The following INPP4B variants were observed in gnomAD, a reference collection of about 807,000 sequenced individuals.
The protein encoded by INPP4B is inositol polyphosphate-4-phosphatase type II B.
INPP4B carries 55 observed loss-of-function variants against 122.5 expected under a neutral mutation model. The observed-to-expected ratio is 0.45, with a 90% CI of 0.36 to 0.56. The LOEUF (loss-of-function observed/expected upper bound fraction) is 0.56. Ranked by LOEUF, INPP4B falls within the 20% of genes least tolerant of loss-of-function variation. The probability of loss-of-function intolerance (pLI) is 0.00; values close to 1 mark genes in which losing one functional copy is unlikely to be tolerated. For missense variants in INPP4B, 1,000 were observed against 1,097.7 expected (o/e 0.91, Z 1.26); for synonymous variants, 403 against 388.7 (o/e 1.04, Z -0.43).
intron 21 of INPP4B, among the ~76,000 whole-genome samples, chr4:142,117,707 T>C (rs1376640264): frequency 6.6e-6 from 1 of 151,516 alleles, no homozygotes; most frequent in Non-Finnish European, 1.5e-5. Context: ...GCCAATATCA[T>C]ACTGAATAGG....
chr4:142,120,760 C>A (rs1002261606), intron 21 of INPP4B, among the ~76,000 whole-genome samples: 1 of 152,068 alleles, frequency 6.6e-6, no homozygotes, highest in Non-Finnish European at 1.5e-5. Context: ...CAGCAAAATG[C>A]CACAGACTTC....
At chr4:142,061,879 CACACACATATATATATATATATATATAT>C (rs1760881116) in intron 25 of INPP4B, among the ~76,000 whole-genome samples, 1 of 8,402 alleles carries the variant, frequency 1.2e-4, no homozygotes, top group African/African-American at 1.7e-4. Flanking sequence ...CACACACACA[CACACACATATATATATATATATATATAT>C]ATATATATAT....
intron 14 of INPP4B, among the ~76,000 whole-genome samples, chr4:142,204,851 T>G (rs1842030109): frequency 6.6e-6 from 1 of 152,074 alleles, no homozygotes; most frequent in South Asian, 2.1e-4. Flanking sequence ...GACATTTTGA[T>G]TTCAGACTTC....
chr4:142,527,068 A>G (rs1827012666), intron 2 of INPP4B, among the ~76,000 whole-genome samples: 1 of 152,024 alleles, frequency 6.6e-6, no homozygotes. Flanking sequence ...CTGCCTATTA[A>G]TTTTGTAATA....
At chr4:142,202,521 T>TG (rs1172453778) in intron 14 of INPP4B, among the ~76,000 whole-genome samples, 44 of 152,198 alleles carry the variant, frequency 2.9e-4, no homozygotes, top group African/African-American at 7.7e-4. Flanking sequence ...GGTGATACTC[T>TG]CACATTCTTG....
chr4:142,806,107 G>A lies in INPP4B; in HGVS notation c.-254+40102C>T, dbSNP rs563964208. Among the ~76,000 whole-genome samples, 209 of 151,778 alleles carry A rather than the reference G, an allele frequency of 1.4e-3. 2 individuals are homozygous for A. Among genetic ancestry groups the A allele is most frequent in the Non-Finnish European group, 2.0e-3 (133 of 67,910 alleles). ...ATCCTGTCTAACACGGTGAAACCCC[G>A]TCTGTACTAAAAATACAAGAAATAA... On this transcript the variant is annotated intron_variant, in intron 1 of 25. Coordinates refer to ENST00000262992, the MANE Select transcript of INPP4B (RefSeq NM_001101669.3).
intron 12 of INPP4B, among the ~76,000 whole-genome samples, chr4:142,237,048 C>A (rs1856967042): frequency 1.3e-5 from 2 of 152,062 alleles, no homozygotes; most frequent in Non-Finnish European, 2.9e-5. Context: ...AGTCATGGTC[C>A]AGAGATACTC....
chr4:142,496,255 T>C (rs1294592665), intron 2 of INPP4B, among the ~76,000 whole-genome samples: 1 of 152,168 alleles, frequency 6.6e-6, no homozygotes. Flanking sequence ...ATCTTTTGCA[T>C]GTTCATATTC....
chr4:142,489,859 A>G (rs1320707203), intron 2 of INPP4B, among the ~76,000 whole-genome samples: 2 of 152,156 alleles, frequency 1.3e-5, no homozygotes, highest in African/African-American at 4.8e-5. Context: ...TGATATATTG[A>G]CCTTCTTATC....
intron 12 of INPP4B, among the ~76,000 whole-genome samples, chr4:142,209,768 G>C (rs1248479620): frequency 7.0e-6 from 1 of 143,382 alleles, no homozygotes; most frequent in East Asian, 2.0e-4. Flanking sequence ...ACTCCAGCCT[G>C]GGTGACAGAG....
At chr4:142,201,407 G>A (rs1003598704) in intron 14 of INPP4B, among the ~76,000 whole-genome samples, 1 of 151,952 alleles carries the variant, frequency 6.6e-6, no homozygotes, top group Non-Finnish European at 1.5e-5. Flanking sequence ...ATTATCTTAG[G>A]TAATCTTCTT....
At chr4:142,757,831 C>T (rs547461251) in intron 1 of INPP4B, among the ~76,000 whole-genome samples, 1 of 152,284 alleles carries the variant, frequency 6.6e-6, no homozygotes, top group South Asian at 2.1e-4. Context: ...TAGCAAACTC[C>T]CTGTCTCCCA....
chr4:142,119,604 C>G (rs1341122290), intron 21 of INPP4B, among the ~76,000 whole-genome samples: 2 of 146,684 alleles, frequency 1.4e-5, no homozygotes, highest in Admixed American at 7.0e-5. Flanking sequence ...AATGAGAACA[C>G]TTGGACACAG....
At chr4:142,608,187 A>C (rs775173288) in intron 2 of INPP4B, among the ~76,000 whole-genome samples, 48 of 152,288 alleles carry the variant, frequency 3.2e-4, no homozygotes, top group Non-Finnish European at 4.0e-4. Context: ...TTAGTTAATG[A>C]TTTCCTAAAA....
chr4:142,417,312 CTT>C (rs1805977156), intron 5 of INPP4B, among the ~76,000 whole-genome samples: 1 of 152,100 alleles, frequency 6.6e-6, no homozygotes, highest in African/African-American at 2.4e-5. Context: ...TGTTTAAGGT[CTT>C]CTTGGCAGTT....
intron 7 of INPP4B, among the ~76,000 whole-genome samples, chr4:142,367,579 G>T (rs1579862769): frequency 1.3e-5 from 2 of 151,982 alleles, no homozygotes; most frequent in African/African-American, 4.8e-5. Context: ...TTTGCCCAGG[G>T]TCACAGGTTT....
intron 2 of INPP4B, among the ~76,000 whole-genome samples, chr4:142,700,708 T>C (rs1039754810): frequency 1.3e-5 from 2 of 152,094 alleles, no homozygotes; most frequent in Non-Finnish European, 2.9e-5. Flanking sequence ...TGCATTTTCC[T>C]ATCTCAGATT....
chr4:142,570,180 T>C (rs1341601581), intron 2 of INPP4B, among the ~76,000 whole-genome samples: 1 of 152,108 alleles, frequency 6.6e-6, no homozygotes, highest in African/African-American at 2.4e-5. Flanking sequence ...TGTATTTCAT[T>C]TCACACTCAA....
intron 2 of INPP4B, among the ~76,000 whole-genome samples, chr4:142,489,633 A>T (rs185183204): frequency 2.0e-4 from 30 of 152,198 alleles, no homozygotes; most frequent in African/African-American, 7.2e-4. Flanking sequence ...ATCTCAAGTG[A>T]TCTGCCTGCC....
Sources: gnomAD v4.1 joint callset for allele counts (sites outside exome capture counted in the v4.1 genomes callset) on GRCh38, gnomAD v4.1.1 for gene constraint, MANE v1.5 for transcripts, NCBI Gene and HGNC (gene_info 2026-07-23, HGNC 2026-07-21) for gene names.